Variants in DPH1 observed in about 807,000 individuals in gnomAD.
DPH1 encodes the protein 2-(3-amino-3-carboxypropyl)histidine synthase subunit 1.
In DPH1, 59 loss-of-function variants were observed where a neutral mutation model predicts 55.3. That is an observed-to-expected ratio of 1.07 (90% CI 0.87 to 1.33). The LOEUF (loss-of-function observed/expected upper bound fraction) is 1.33, where lower values mean the gene tolerates loss of function less well. Ranked by LOEUF, DPH1 falls within the 40% of genes most tolerant of loss-of-function variation. The pLI is 0.00. For missense variants in DPH1, 628 were observed against 584.8 expected (o/e 1.07, Z -0.76); for synonymous variants, 238 against 235.5 (o/e 1.01, Z -0.10).
At chr17:2,032,397 G>T (rs2067343292) in intron 1 of DPH1, among the ~76,000 whole-genome samples, 1 of 152,196 alleles carries the variant, frequency 6.6e-6, no homozygotes, top group South Asian at 2.1e-4. Flanking sequence ...ATGGGCTCAA[G>T]TCTTCGATTC....
intron 12 of DPH1, 118 bp from the exon 13 acceptor site, chr17:2,042,487 T>G (rs1033329451): frequency 7.1e-7 from 1 of 1,406,820 alleles, no homozygotes; most frequent in Admixed American, 2.7e-5. Flanking sequence ...TCCCCCAGAC[T>G]TTTGCCTCGA....
In DPH1 at chr17:2,036,737, C is replaced by G. The variant is rs371219676; in HGVS notation, c.558+51C>G. On this transcript the variant is annotated intron_variant, in intron 5 of 12. Transcript: ENST00000263083. The surrounding 1 kb of genome is among the most constrained non-coding windows in gnomAD (Gnocchi z 4.8). ...TCCTGCAGGGTGGACAGCGGCCACT[C>G]TCCAGCTGTTGCGGGATCCCCAGGT... The G allele has an allele frequency of 8.1e-6, 13 of 1,610,684 alleles. No homozygotes were observed. In the African/African-American group the frequency reaches 1.5e-4, roughly 18 times the overall value.
intron 6 of DPH1, among the ~76,000 whole-genome samples, chr17:2,038,113 C>G (rs1325577524): frequency 7.1e-6 from 1 of 140,326 alleles, no homozygotes; most frequent in Admixed American, 7.8e-5. Flanking sequence ...AGTTTGAGAC[C>G]AGCTTGGGGA....
Position 2,042,927 on chromosome 17 carries a change from G to T in DPH1, c.*341G>T. ...CCATCCTGCAAAGGCCCTTGTCATTGCCTTCGCTCCATGTTTTTGGGGACA... is the reference window on the plus strand; with the variant it reads ...CCATCCTGCAAAGGCCCTTGTCATTTCCTTCGCTCCATGTTTTTGGGGACA... On this transcript the variant is annotated 3_prime_UTR_variant, in exon 13 of 13. Coordinates refer to ENST00000263083, the MANE Select transcript of DPH1 (RefSeq NM_001383.6). 1 of 1,614,142 alleles carries T rather than the reference G, an allele frequency of 6.2e-7. No homozygotes were observed. The highest frequency in any genetic ancestry group is 8.5e-7 in the Non-Finnish European group (1 of 1,180,034).
rs746359258 is a variant in DPH1, at chr17:2,033,517, G to T, written c.74G>T (p.Arg25Leu). Reference protein sequence around the residue: ...RDGPGRGRAPRGRVANQIPPE... With the variant: ...RDGPGRGRAPLGRVANQIPPE... The stretch of plus-strand genomic sequence containing the variant: ...ATATCCATTCTAGGTCGGGCCCCTC[G>T]GGGCCGCGTGGCCAATCAGATCCCC... The change falls in exon 2 of 13, where the codon CGG (arginine) becomes CTG (leucine). Residue 25 changes from arginine to leucine, a missense_variant. Physicochemically the swap from Arg to Leu is moderately radical, Grantham distance 102. Coordinates refer to ENST00000263083, the MANE Select transcript of DPH1 (RefSeq NM_001383.6). 1 of 1,613,924 alleles carries T rather than the reference G, an allele frequency of 6.2e-7. No individual in the cohort carries two copies. The highest frequency in any genetic ancestry group is 8.5e-7 in the Non-Finnish European group (1 of 1,180,032).
intron 3 of DPH1, 75 bp from the exon 4 acceptor site, chr17:2,035,895 C>A (rs2067416218): frequency 6.3e-7 from 1 of 1,588,018 alleles, no homozygotes; most frequent in Non-Finnish European, 8.6e-7. Context: ...CCCTGAGACA[C>A]CCTCCCAGGG....
At chr17:2,041,736 A>G (rs1597289055) in intron 11 of DPH1, 32 bp from the exon 12 acceptor site, 8 of 1,590,480 alleles carry the variant, frequency 5.0e-6, no homozygotes, top group African/African-American at 1.3e-5. Context: ...GGGTCGCAGG[A>G]GCGAGACCCT....
At chr17:2,042,241 GC>G (rs2067549847) in intron 12 of DPH1, 1 of 1,414,532 alleles carries the variant, frequency 7.1e-7, no homozygotes, top group South Asian at 1.5e-5. Context: ...GGTGAGACAA[GC>G]CCCGCTCCGG....
At chr17:2,032,093 G>A (rs1031027772) in intron 1 of DPH1, among the ~76,000 whole-genome samples, 1 of 152,182 alleles carries the variant, frequency 6.6e-6, no homozygotes, top group Non-Finnish European at 1.5e-5. Flanking sequence ...GAACAGTGTG[G>A]CCACAGTCAG....
Position 2,042,623 on chromosome 17 carries a change from A to G in DPH1, c.*37A>G. 1 of 1,518,896 alleles carries G rather than the reference A, an allele frequency of 6.6e-7. No individual in the cohort carries two copies. The allele number at this position is 1,518,896 out of a possible 1,614,324, so 94.1% of individuals were successfully genotyped here. On this transcript the variant is annotated 3_prime_UTR_variant, in exon 13 of 13. Transcript: ENST00000263083. ...GCTGTAGGGTCCTGCCCTCCGGAGG[A>G]GCAGCCTCGAGGCTGGTGGTTTTCA...
At chr17:2,042,391 C>G in intron 12 of DPH1, 1 of 1,275,340 alleles carries the variant, frequency 7.8e-7, no homozygotes, top group South Asian at 1.8e-5. Flanking sequence ...GCTCAAACTG[C>G]AGCCTGTCCT....
rs1412421423 is a variant in DPH1 at position 2,043,250 on chromosome 17, A to G, written c.*664A>G. On this transcript the variant is annotated 3_prime_UTR_variant, in exon 13 of 13. Transcript: ENST00000263083. ...GACAACTATCAATTCTTGAGACCCA[A>G]ATTATAAGGGCCCTGCCCTGTACTG... 6 of 991,164 alleles carry G rather than the reference A, an allele frequency of 6.1e-6. No individual in the cohort carries two copies. The highest frequency in any genetic ancestry group is 1.6e-5 in the African/African-American group (1 of 61,444). 61.4% of individuals were successfully genotyped at this position (991,164 alleles called of 1,614,324 possible).
In DPH1 at chr17:2,042,295, A is replaced by G. The variant is rs1051411323; in HGVS notation, c.*19-310A>G. 8.4e-5 allele frequency: 117 copies of G among 1,392,686 alleles called. No individual in the cohort carries two copies. The African/African-American group carries it at 1.6e-3, about 19-fold the overall frequency. The allele number at this position is 1,392,686 out of a possible 1,614,324, so 86.3% of individuals were successfully genotyped here. A position where few individuals can be genotyped will look rare whatever the true frequency, so the allele number is the denominator to read the frequency against. ...TCCATCTTGTTTCGTCCCCCTCGAC[A>G]CCCTTCAGCATCCCCCACCCTGCGT... On this transcript the variant is annotated intron_variant, in intron 12 of 12. Transcript: ENST00000263083.
At position 2,036,062 on chromosome 17, in the gene DPH1, T is replaced by G. The variant is rs764599628; in HGVS notation, c.371T>G (p.Phe124Cys). The change falls in exon 4 of 13, where the codon TTC becomes TGC. Residue 124 changes from phenylalanine (F) to cysteine (C), a missense_variant. Phe to Cys is a radical substitution (Grantham distance 205). Coordinates refer to ENST00000263083, the MANE Select transcript of DPH1 (RefSeq NM_001383.6). This position sits in a 1 kb window ranked among gnomAD's most constrained non-coding sequence, Gnocchi z 4.8. Reference protein sequence around the residue: ...DFTARALGADFLVHYGHSCLI... With the variant: ...DFTARALGADCLVHYGHSCLI... ...ACAGCGAGGGCCCTGGGAGCTGACT[T>G]CTTGGTGCACTACGGCCACAGTTGC... The G allele has an allele frequency of 6.2e-7, 1 of 1,613,936 alleles. No homozygotes were observed. The highest frequency in any genetic ancestry group is 8.5e-7 in the Non-Finnish European group (1 of 1,179,908).
intron 3 of DPH1, among the ~76,000 whole-genome samples, chr17:2,035,602 C>T (rs1022831850): frequency 2.0e-5 from 3 of 149,698 alleles, no homozygotes; most frequent in South Asian, 4.2e-4. Flanking sequence ...GCACTCAGCG[C>T]GGGAGTGAGG....
intron 1 of DPH1, among the ~76,000 whole-genome samples, chr17:2,031,840 C>T (rs929848902): frequency 1.3e-5 from 2 of 152,124 alleles, no homozygotes; most frequent in Non-Finnish European, 2.9e-5. Context: ...CTAAGGGCTA[C>T]GGTTTCCCCT....
Position 2,041,638 on chromosome 17 carries a change from A to T in DPH1, c.1227+17A>T. On this transcript the variant is annotated intron_variant, in intron 11 of 12. Transcript: ENST00000263083. ...CGGGGGAAGGTAGGCGGGGGCTTCC[A>T]GGAGGGAGGAGAGACCGCGCCTGGG... The T allele has an allele frequency of 6.3e-7, 1 of 1,595,834 alleles. No individual in the cohort carries two copies. The highest frequency in any genetic ancestry group is 8.5e-7 in the Non-Finnish European group (1 of 1,172,284).
chr17:2,033,443 T>G, intron 1 of DPH1, 62 bp from the exon 2 acceptor site: 1 of 1,611,260 alleles, frequency 6.2e-7, no homozygotes, highest in Non-Finnish European at 8.5e-7. Context: ...GGGATCCCTA[T>G]TCCATCTCAA....
chr17:2,032,706 A>T (rs1377655595), intron 1 of DPH1, among the ~76,000 whole-genome samples: 1 of 152,154 alleles, frequency 6.6e-6, no homozygotes, highest in African/African-American at 2.4e-5. Flanking sequence ...TTAAGACCTA[A>T]ACTTCCTGAT....
Sources: allele counts gnomAD v4.1 joint callset (sites outside exome capture counted in the v4.1 genomes callset), GRCh38; gene constraint gnomAD v4.1.1; non-coding constraint Gnocchi (gnomAD v3.1); transcripts MANE v1.5; gene names NCBI Gene and HGNC (gene_info 2026-07-23, HGNC 2026-07-21).